The following GLDN variants were observed in gnomAD, a reference collection of about 807,000 sequenced individuals.
GLDN encodes collomin.
A neutral mutation model predicts 56.5 loss-of-function variants in GLDN; 47 were observed. The ratio of observed to expected loss-of-function variants is 0.83; its 90% CI spans 0.66 to 1.06. The LOEUF is 1.06. GLDN is among the 50% of genes least tolerant of loss of function. The pLI is 0.00. For missense variants in GLDN, 782 were observed against 714.3 expected (o/e 1.09, Z -1.08); for synonymous variants, 332 against 278.8 (o/e 1.19, Z -1.90).
intron 6 of GLDN, 25 bp from the exon 7 acceptor site, chr15:51,400,167 C>G: frequency 6.2e-7 from 1 of 1,606,938 alleles, no homozygotes; most frequent in Non-Finnish European, 8.5e-7. Context: ...CGTATCGGCT[C>G]TGATGATTAT....
chr15:51,365,516 T>C (rs2037383307), intron 1 of GLDN, among the ~76,000 whole-genome samples: 1 of 152,174 alleles, frequency 6.6e-6, no homozygotes. Context: ...TGTGAGGCAG[T>C]CATTATTATT....
chr15:51,402,587 T>G (rs1369430108), intron 9 of GLDN, among the ~76,000 whole-genome samples: 3 of 152,170 alleles, frequency 2.0e-5, no homozygotes, highest in African/African-American at 7.2e-5. Flanking sequence ...GTAAACCCAG[T>G]ATTATGAATG....
intron 4 of GLDN, chr15:51,384,163 A>G: frequency 2.2e-6 from 1 of 445,626 alleles, no homozygotes; most frequent in Non-Finnish European, 4.1e-6. Flanking sequence ...TGGAAGGAGC[A>G]GGAGCCCACA....
intron 1 of GLDN, among the ~76,000 whole-genome samples, chr15:51,355,283 G>A (rs1384822496): frequency 6.6e-6 from 1 of 152,136 alleles, no homozygotes; most frequent in African/African-American, 2.4e-5. Context: ...AGTTTTCTGG[G>A]AAAAGGGGCA....
At chr15:51,347,405 A>AT (rs1215184609) in intron 1 of GLDN, among the ~76,000 whole-genome samples, 2 of 152,134 alleles carry the variant, frequency 1.3e-5, no homozygotes, top group African/African-American at 2.4e-5. Flanking sequence ...ACATTATAAG[A>AT]TTTTTTTGCG....
chr15:51,358,833 C>G (rs577316664), intron 1 of GLDN, among the ~76,000 whole-genome samples: 1 of 152,174 alleles, frequency 6.6e-6, no homozygotes, highest in African/African-American at 2.4e-5. Context: ...AGCCTCTTCC[C>G]GGAGGAGAGA....
At chr15:51,381,527 T>C (rs1423751192) in intron 2 of GLDN, among the ~76,000 whole-genome samples, 1 of 152,136 alleles carries the variant, frequency 6.6e-6, no homozygotes, top group Non-Finnish European at 1.5e-5. Context: ...TGAAAGCATA[T>C]CCTCAAACAC....
In GLDN at chr15:51,379,462, A is replaced by T. The variant is rs936971243; in HGVS notation, c.415+1962A>T. 3.3e-5 allele frequency among the ~76,000 whole-genome samples: 5 copies of T among 152,360 alleles called. No individual in the cohort carries two copies. The South Asian group carries it at 1.0e-3, about 32-fold the overall frequency. ...CAAGTGACCCTAATCCAGTTATGAT[A>T]CGTGTCTCTAGTCTCTTATTCTATG... On this transcript the variant is annotated intron_variant, in intron 2 of 9. Coordinates refer to ENST00000335449, the MANE Select transcript of GLDN (RefSeq NM_181789.4).
chr15:51,365,801 T>C (rs1235756197), intron 1 of GLDN, among the ~76,000 whole-genome samples: 3 of 152,242 alleles, frequency 2.0e-5, no homozygotes, highest in African/African-American at 7.2e-5. Flanking sequence ...TCTGCTTTTA[T>C]GTATAGAATG....
At chr15:51,410,310 G>A (rs938945010), downstream of GLDN, among the ~76,000 whole-genome samples, 1 of 152,156 alleles carries the variant, frequency 6.6e-6, no homozygotes, top group Non-Finnish European at 1.5e-5. Context: ...TTTGCTTTTG[G>A]TGCTGGAAGT....
At chr15:51,368,513 G>A (rs772504983) in intron 1 of GLDN, among the ~76,000 whole-genome samples, 10 of 151,604 alleles carry the variant, frequency 6.6e-5, no homozygotes, top group Non-Finnish European at 1.2e-4. Flanking sequence ...AAATGCCTGC[G>A]GCCCAACACG....
intron 1 of GLDN, among the ~76,000 whole-genome samples, chr15:51,365,208 T>A (rs1284771067): frequency 1.3e-5 from 2 of 152,238 alleles, no homozygotes; most frequent in African/African-American, 4.8e-5. Context: ...TGTTTGATTA[T>A]GGTGACAGTA....
At chr15:51,356,792 A>G (rs2037195531) in intron 1 of GLDN, among the ~76,000 whole-genome samples, 1 of 152,206 alleles carries the variant, frequency 6.6e-6, no homozygotes, top group Non-Finnish European at 1.5e-5. Flanking sequence ...AAAGTCCTTA[A>G]TACAGTGCCT....
chr15:51,384,346 A>G, intron 4 of GLDN: 1 of 218,312 alleles, frequency 4.6e-6, no homozygotes, highest in South Asian at 7.1e-5. Flanking sequence ...TGGCTAGAGG[A>G]ATAGCTCAAA....
intron 8 of GLDN, among the ~76,000 whole-genome samples, chr15:51,400,755 C>T (rs1311573152): frequency 3.3e-5 from 5 of 152,138 alleles, no homozygotes; most frequent in Non-Finnish European, 7.3e-5. Flanking sequence ...GGACAAGTAT[C>T]CAGAAGGAAA....
intron 9 of GLDN, among the ~76,000 whole-genome samples, chr15:51,403,806 T>C (rs2445751): frequency 0.5 from 75,294 of 151,986 alleles, 18,938 homozygotes; most frequent in Non-Finnish European, 0.52. Context: ...GTTCAACCTC[T>C]GGCTCTGCCT....
At chr15:51,395,080 T>C (rs2038098818) in intron 5 of GLDN, 99 bp downstream of exon 5, 19 of 1,157,164 alleles carry the variant, frequency 1.6e-5, no homozygotes, top group Non-Finnish European at 2.0e-5. Context: ...CTCTCCTTTA[T>C]GGCCTTATGT....
chr15:51,383,977 G>A, intron 4 of GLDN, 85 bp downstream of exon 4: 2 of 1,029,090 alleles, frequency 1.9e-6, no homozygotes, highest in Non-Finnish European at 3.0e-6. Flanking sequence ...TGTGCAGCAG[G>A]GGTAAGGTGT....
chr15:51,356,064 G>A (rs544664283), intron 1 of GLDN, among the ~76,000 whole-genome samples: 21 of 151,564 alleles, frequency 1.4e-4, no homozygotes, highest in Non-Finnish European at 1.8e-4. Flanking sequence ...AAGATTAGCC[G>A]GGCGTGGTGG....
Sources: allele counts gnomAD v4.1 joint callset (sites outside exome capture counted in the v4.1 genomes callset), GRCh38; gene constraint gnomAD v4.1.1; transcripts MANE v1.5; gene names NCBI Gene and HGNC (gene_info 2026-07-23, HGNC 2026-07-21).